PLCL1: variants seen among roughly 807,000 people sequenced by gnomAD.
The protein encoded by PLCL1 is phospholipase C like 1 (inactive).
A neutral mutation model predicts 84.4 loss-of-function variants in PLCL1; 41 were observed. That is an observed-to-expected ratio of 0.49 (90% CI 0.38 to 0.63). PLCL1 has a LOEUF of 0.63. Among genes scored for constraint, PLCL1 ranks in the 30% least tolerant of loss-of-function variants. PLCL1 has a pLI of 0.00. For synonymous variants in PLCL1, 490 were observed against 488.3 expected, an observed-to-expected ratio of 1.00 and a Z score of -0.05; for missense variants, 1,206 against 1,367.8, an observed-to-expected ratio of 0.88 and a Z score of 1.87.
chr2:197,900,358 A>G (rs948682489), intron 1 of PLCL1, among the ~76,000 whole-genome samples: 1 of 152,230 alleles, frequency 6.6e-6, no homozygotes, highest in Non-Finnish European at 1.5e-5. Flanking sequence ...GATTGTTTTC[A>G]TAAGAGGAGT....
intron 1 of PLCL1, among the ~76,000 whole-genome samples, chr2:197,983,353 C>T (rs910517588): frequency 1.3e-5 from 2 of 151,510 alleles, no homozygotes; most frequent in African/African-American, 4.8e-5. Context: ...TCTCAGCCTC[C>T]TGAGTAGCTG....
At chr2:197,893,632 C>T (rs953722324) in intron 1 of PLCL1, among the ~76,000 whole-genome samples, 2 of 152,168 alleles carry the variant, frequency 1.3e-5, no homozygotes, top group East Asian at 3.9e-4. Context: ...AAGCAAGTCA[C>T]AGTGAATGCC....
chr2:198,071,774 G>T (rs1692470635), intron 1 of PLCL1, among the ~76,000 whole-genome samples: 1 of 151,510 alleles, frequency 6.6e-6, no homozygotes, highest in African/African-American at 2.4e-5. Context: ...ATGCTTTCTG[G>T]TCTTAATATA....
chr2:197,973,201 T>A (rs1689905064), intron 1 of PLCL1, among the ~76,000 whole-genome samples: 2 of 152,146 alleles, frequency 1.3e-5, no homozygotes. Flanking sequence ...CATGGAGGTA[T>A]GAACTAAGAA....
chr2:198,082,321 G>C (rs190949467), intron 1 of PLCL1, among the ~76,000 whole-genome samples: 5 of 152,102 alleles, frequency 3.3e-5, no homozygotes, highest in African/African-American at 1.2e-4. Flanking sequence ...GCACGTTCCT[G>C]TAATCCCAGC....
chr2:197,839,250 G>C (rs181375438), intron 1 of PLCL1, among the ~76,000 whole-genome samples: 1 of 152,286 alleles, frequency 6.6e-6, no homozygotes, highest in African/African-American at 2.4e-5. Flanking sequence ...ACAACCTTTA[G>C]AAATAGTCTG....
intron 1 of PLCL1, among the ~76,000 whole-genome samples, chr2:197,808,151 A>G (rs1188039703): frequency 6.6e-6 from 1 of 152,136 alleles, no homozygotes; most frequent in Non-Finnish European, 1.5e-5. Flanking sequence ...AAATCTGTCT[A>G]CTTTTTCCTA....
chr2:198,134,780 G>A (rs549173494), intron 5 of PLCL1, among the ~76,000 whole-genome samples: 3 of 152,268 alleles, frequency 2.0e-5, no homozygotes, highest in Non-Finnish European at 4.4e-5. Flanking sequence ...TGTGTAACAC[G>A]GGACAGATGT....
At chr2:197,879,217 C>A (rs1018876114) in intron 1 of PLCL1, among the ~76,000 whole-genome samples, 14 of 152,184 alleles carry the variant, frequency 9.2e-5, no homozygotes, top group African/African-American at 2.9e-4. Context: ...ATAAAGCTAT[C>A]TTCTTGGTCC....
At chr2:198,097,308 T>C (rs1290959443) in intron 3 of PLCL1, among the ~76,000 whole-genome samples, 1 of 152,154 alleles carries the variant, frequency 6.6e-6, no homozygotes, top group African/African-American at 2.4e-5. Context: ...AATTTCTACT[T>C]GGTACCAGGA....
chr2:198,104,009 G>C, intron 5 of PLCL1, 73 bp downstream of exon 5: 1 of 693,480 alleles, frequency 1.4e-6, no homozygotes. Context: ...GTAGAGAAAT[G>C]TAAAGGATTA....
chr2:197,896,508 A>C (rs904530519), intron 1 of PLCL1, among the ~76,000 whole-genome samples: 1 of 151,972 alleles, frequency 6.6e-6, no homozygotes, highest in Non-Finnish European at 1.5e-5. Context: ...TTATCCATAA[A>C]TATTTCAGCA....
intron 1 of PLCL1, among the ~76,000 whole-genome samples, chr2:197,910,129 T>C (rs1688457881): frequency 6.6e-6 from 1 of 152,352 alleles, no homozygotes; most frequent in South Asian, 2.1e-4. Flanking sequence ...TTAGGTGGGT[T>C]AATGTATACA....
At chr2:198,071,191 A>G (rs1018095511) in intron 1 of PLCL1, among the ~76,000 whole-genome samples, 2 of 151,594 alleles carry the variant, frequency 1.3e-5, no homozygotes, top group African/African-American at 4.8e-5. Context: ...GCTGTATAGG[A>G]TCCTGTTACA....
rs186336744 is a variant in PLCL1, at chr2:197,905,388, T to C, written c.240+100049T>C. 6.6e-5 allele frequency among the ~76,000 whole-genome samples: 10 copies of C among 152,316 alleles called. No homozygotes were observed. In the East Asian group the frequency reaches 1.2e-3, roughly 18 times the overall value. On this transcript the variant is annotated intron_variant, in intron 1 of 5. Coordinates refer to ENST00000428675, the MANE Select transcript of PLCL1 (RefSeq NM_006226.4). ...TGTGTTAGTTTGCTGAAAATGATGG[T>C]TTCCAGCTTCATCCATGTCCCTGCA...
chr2:198,032,326 G>A (rs538362182), intron 1 of PLCL1, among the ~76,000 whole-genome samples: 1 of 151,780 alleles, frequency 6.6e-6, no homozygotes, highest in East Asian at 1.9e-4. Context: ...CAAAATAAAT[G>A]AGAATAATAA....
chr2:198,022,039 A>T (rs1188646895), intron 1 of PLCL1, among the ~76,000 whole-genome samples: 2 of 152,210 alleles, frequency 1.3e-5, no homozygotes, highest in African/African-American at 2.4e-5. Context: ...ATCCACCATG[A>T]TCAAGTTGGC....
At chr2:197,996,944 C>T (rs1690481391) in intron 1 of PLCL1, among the ~76,000 whole-genome samples, 1 of 152,172 alleles carries the variant, frequency 6.6e-6, no homozygotes, top group South Asian at 2.1e-4. Flanking sequence ...CACTACACCA[C>T]ATTTTGAATG....
intron 1 of PLCL1, among the ~76,000 whole-genome samples, chr2:197,992,536 T>C (rs991232644): frequency 2.0e-4 from 30 of 152,122 alleles, no homozygotes; most frequent in Non-Finnish European, 1.9e-4. Flanking sequence ...AGTGTCGAAA[T>C]TACATGCATG....
Sources: allele counts gnomAD v4.1 joint callset (sites outside exome capture counted in the v4.1 genomes callset), GRCh38; gene constraint gnomAD v4.1.1; transcripts MANE v1.5; gene names NCBI Gene and HGNC (gene_info 2026-07-23, HGNC 2026-07-21).